OAT: variants seen among roughly 807,000 people sequenced by gnomAD.
OAT encodes ornithine aminotransferase, mitochondrial.
A neutral mutation model predicts 48.4 loss-of-function variants in OAT; 35 were observed. The ratio of observed to expected loss-of-function variants is 0.72; its 90% CI spans 0.55 to 0.96. OAT has a LOEUF of 0.96. Ranked by LOEUF, OAT falls within the 40% of genes least tolerant of loss-of-function variation. The pLI is 0.00. For missense variants in OAT, 438 were observed against 537.9 expected, an observed-to-expected ratio of 0.81 and a Z score of 1.84; for synonymous variants, 182 against 198.4, an observed-to-expected ratio of 0.92 and a Z score of 0.70.
At chr10:124,407,046 C>T (rs12570630) in intron 4 of OAT, 75,123 of 985,350 alleles carry the variant, frequency 0.076, 3,039 homozygotes, top group Non-Finnish European at 0.081. Flanking sequence ...GCAGCAACTC[C>T]ATTAATCAGT....
intron 8 of OAT, 47 bp from the exon 9 acceptor site, chr10:124,401,031 T>C: frequency 2.7e-6 from 4 of 1,494,452 alleles, no homozygotes; most frequent in Non-Finnish European, 3.7e-6. Context: ...GTCCTTTTTT[T>C]GTTTTTTGGA....
At chr10:124,411,256 T>G (rs990691480) in intron 2 of OAT, among the ~76,000 whole-genome samples, 2 of 143,250 alleles carry the variant, frequency 1.4e-5, no homozygotes, top group Non-Finnish European at 3.0e-5. Context: ...GAGAAGGGAG[T>G]GAACACACTA....
intron 1 of OAT, among the ~76,000 whole-genome samples, chr10:124,412,847 A>C (rs1248484732): frequency 6.6e-6 from 1 of 152,190 alleles, no homozygotes; most frequent in Non-Finnish European, 1.5e-5. Flanking sequence ...CTGTGTGTTG[A>C]CTGAGTACCT....
chr10:124,412,888 C>T (rs1951801837), intron 1 of OAT, among the ~76,000 whole-genome samples: 1 of 152,196 alleles, frequency 6.6e-6, no homozygotes, highest in South Asian at 2.1e-4. Context: ...TAAGCACCTA[C>T]CACAGTCCGA....
rs1472937814 is a variant in OAT, at chr10:124,401,857, C to T, written c.901-18G>A. On this transcript the variant is annotated intron_variant, in intron 7 of 9. Transcript: ENST00000368845. Reference sequence around the variant, plus strand: ...GCAGACACCTGAAAGACAGTCAATTCACCATGTCATTTCTCAGCACTAAGC... The same window carrying T: ...GCAGACACCTGAAAGACAGTCAATTTACCATGTCATTTCTCAGCACTAAGC... The T allele has an allele frequency of 5.8e-6, 9 of 1,563,750 alleles. No homozygotes were observed. Among genetic ancestry groups the T allele is most frequent in the Non-Finnish European group, 7.9e-6 (9 of 1,135,784 alleles).
chr10:124,408,517 GA>G, intron 4 of OAT, 24 bp downstream of exon 4: 1 of 1,552,756 alleles, frequency 6.4e-7, no homozygotes, highest in Non-Finnish European at 8.9e-7. Context: ...TTCAATCATA[GA>G]AGTTAATATT....
At chr10:124,414,864 G>A (rs757058013) in intron 1 of OAT, 3 of 152,002 alleles carry the variant, frequency 2.0e-5, no homozygotes, top group Admixed American at 1.3e-4. Flanking sequence ...GATCACTTGA[G>A]CCCAGGAGTT....
Position 124,408,327 on chromosome 10 carries a change from A to G in OAT, c.520+215T>C, listed in dbSNP as rs1478353827. Among the ~76,000 whole-genome samples, 1,503 of 75,462 alleles carry G rather than the reference A, an allele frequency of 0.02. 33 individuals are homozygous for G. The highest frequency in any genetic ancestry group is 0.19 in the East Asian group (418 of 2,144). 49.5% of individuals were successfully genotyped at this position (75,462 alleles called of 152,430 possible). A position where few individuals can be genotyped will look rare whatever the true frequency, so the allele number is the denominator to read the frequency against. ...TGTGTGTGTGTGTGTGTATATATAT[A>G]TATATATATATATATATTTTTTTTT... On this transcript the variant is annotated intron_variant, in intron 4 of 9. Coordinates refer to ENST00000368845, the MANE Select transcript of OAT (RefSeq NM_000274.4).
At chr10:124,402,405 A>G (rs1378477735) in intron 7 of OAT, among the ~76,000 whole-genome samples, 1 of 152,240 alleles carries the variant, frequency 6.6e-6, no homozygotes, top group Non-Finnish European at 1.5e-5. Flanking sequence ...CAACGTCGAG[A>G]TGAAATGCTT....
In OAT at chr10:124,415,074, T is replaced by TGTGTCGCTAAAAAAAAA. The variant is rs1564742697; in HGVS notation, c.-29-2875_-29-2874insTTTTTTTTTAGCGACAC. 15 of 16,858 alleles carry TGTGTCGCTAAAAAAAAA rather than the reference T, an allele frequency of 8.9e-4. 6 individuals carry two copies. Among genetic ancestry groups the TGTGTCGCTAAAAAAAAA allele is most frequent in the East Asian group, 3.8e-3 (2 of 530 alleles). The allele number at this position is 16,858 out of a possible 1,614,324, so 1.0% of individuals were successfully genotyped here. On this transcript the variant is annotated intron_variant, in intron 1 of 9. Transcript: ENST00000368845. ...CACTCCAGCCTGGGCTACAAAGCGC[T>TGTGTCGCTAAAAAAAAA]AAAAAAAAAAAAAAAAAAAAAAAAA...
intron 1 of OAT, among the ~76,000 whole-genome samples, chr10:124,412,655 A>C (rs1017678842): frequency 6.6e-6 from 1 of 151,618 alleles, no homozygotes; most frequent in African/African-American, 2.4e-5. Flanking sequence ...AAGAGTGAGA[A>C]TCTTGAGTCA....
chr10:124,402,820 A>T (rs1951449056), intron 7 of OAT, 107 bp downstream of exon 7: 1 of 1,490,682 alleles, frequency 6.7e-7, no homozygotes, highest in Non-Finnish European at 9.3e-7. Context: ...ACTTGGTAAA[A>T]TCAAACAATC....
rs751657395 is a variant in OAT, at chr10:124,412,106, C to T, written c.66G>A (p.Val22=). ...TAGTTGCAACAGATGTAGCAGAAGC[C>T]ACTGAAGAATGAACTCCGCGACTAA... is the stretch of plus-strand genomic sequence containing the variant. The part of the protein sequence containing the change: ...AVLSRGVHSS[V]ASATSVATKK... Residue 22 remains valine, a synonymous_variant, in exon 2 of 10, where the codon GTG becomes GTA. Transcript: ENST00000368845. 2 of 1,614,116 alleles carry T rather than the reference C, an allele frequency of 1.2e-6. No individual in the cohort carries two copies. The highest frequency in any genetic ancestry group is 1.7e-6 in the Non-Finnish European group (2 of 1,180,018).
At chr10:124,398,747 T>C (rs1165432223) in intron 9 of OAT, among the ~76,000 whole-genome samples, 7 of 150,940 alleles carry the variant, frequency 4.6e-5, no homozygotes, top group Non-Finnish European at 1.0e-4. Context: ...CTGGATGCAG[T>C]GGCTCACACC....
chr10:124,408,341 ATATTTT>A (rs1276700256), intron 4 of OAT, among the ~76,000 whole-genome samples, 195 bp downstream of exon 4: 6,544 of 98,976 alleles, frequency 0.066, 188 homozygotes, highest in Non-Finnish European at 0.091. Flanking sequence ...ATATATATAT[ATATTTT>A]TTTTTTTTTT....
At chr10:124,413,264 A>T (rs1951810519) in intron 1 of OAT, among the ~76,000 whole-genome samples, 1 of 116,468 alleles carries the variant, frequency 8.6e-6, no homozygotes, top group African/African-American at 3.9e-5. Flanking sequence ...ATACATAAAT[A>T]CATACACACA....
chr10:124,415,826 T>G (rs1254952), intron 1 of OAT, among the ~76,000 whole-genome samples: 11,714 of 152,194 alleles, frequency 0.077, 594 homozygotes, highest in African/African-American at 0.13. Context: ...AATGTTACTG[T>G]GCCAAATCCA....
chr10:124,398,809 G>A (rs1296642323), intron 9 of OAT, among the ~76,000 whole-genome samples: 2 of 152,030 alleles, frequency 1.3e-5, no homozygotes, highest in African/African-American at 2.4e-5. Flanking sequence ...GAGGTCAAGA[G>A]ATCGAGACCA....
intron 5 of OAT, among the ~76,000 whole-genome samples, 194 bp downstream of exon 5, chr10:124,405,242 A>C (rs1393263093): frequency 6.6e-6 from 1 of 152,240 alleles, no homozygotes; most frequent in African/African-American, 2.4e-5. Context: ...CTGGCTGTAC[A>C]GAGTAGATCA....
Sources: gnomAD v4.1 joint callset for allele counts (sites outside exome capture counted in the v4.1 genomes callset) on GRCh38, gnomAD v4.1.1 for gene constraint, MANE v1.5 for transcripts, NCBI Gene and HGNC (gene_info 2026-07-23, HGNC 2026-07-21) for gene names.